ZNF438: variants seen among roughly 807,000 people sequenced by gnomAD.
ZNF438 encodes zinc finger protein 438.
Under a neutral mutation model 38.0 loss-of-function variants are expected in ZNF438, and 25 were observed. The observed-to-expected ratio is 0.66, with a 90% CI of 0.48 to 0.92. The LOEUF (loss-of-function observed/expected upper bound fraction) is 0.92. Among genes scored for constraint, ZNF438 ranks in the 40% least tolerant of loss-of-function variants. The pLI is 0.00. For synonymous variants in ZNF438, 372 were observed against 364.1 expected, an observed-to-expected ratio of 1.02 and a Z score of -0.25; for missense variants, 1,007 against 999.6, an observed-to-expected ratio of 1.01 and a Z score of -0.10.
intron 1 of ZNF438, among the ~76,000 whole-genome samples, chr10:31,020,404 C>T (rs1035683805): frequency 2.0e-5 from 3 of 152,138 alleles, no homozygotes; most frequent in Admixed American, 6.5e-5. Flanking sequence ...AGCTGTTCAT[C>T]AGAAATTCTC....
At chr10:30,999,460 A>AC (rs1055775204) in intron 1 of ZNF438, 1 of 152,006 alleles carries the variant, frequency 6.6e-6, no homozygotes, top group African/African-American at 2.4e-5. Flanking sequence ...TACTGTTATG[A>AC]CCTTCCCTTC....
At chr10:30,932,931 G>A (rs1334270581) in intron 2 of ZNF438, among the ~76,000 whole-genome samples, 1 of 152,134 alleles carries the variant, frequency 6.6e-6, no homozygotes, top group Non-Finnish European at 1.5e-5. Context: ...GGAATGCCTG[G>A]GGCTACCAGA....
intron 2 of ZNF438, among the ~76,000 whole-genome samples, chr10:30,916,211 T>C (rs1030200168): frequency 2.6e-5 from 4 of 152,044 alleles, no homozygotes; most frequent in African/African-American, 9.6e-5. Flanking sequence ...TGTATAGGCA[T>C]TTGATAAACA....
At chr10:31,005,271 ATG>A (rs965494431) in intron 1 of ZNF438, among the ~76,000 whole-genome samples, 1 of 152,058 alleles carries the variant, frequency 6.6e-6, no homozygotes, top group East Asian at 1.9e-4. Flanking sequence ...GTGTGTACAT[ATG>A]TGTGTGTGTA....
Position 30,964,852 on chromosome 10 carries a change from C to T in ZNF438, c.-191-23201G>A, listed in dbSNP as rs117741447. On this transcript the variant is annotated intron_variant, in intron 1 of 5. Coordinates refer to ENST00000413025, the Ensembl canonical transcript of ZNF438. ...ACAATGACCTCAAACTATAAAAATC[C>T]GAGAAAAAAACCTAGGAAATACCAT... Among the ~76,000 whole-genome samples the T allele has an allele frequency of 1.3e-3, 191 of 151,984 alleles. 2 individuals carry two copies. Among genetic ancestry groups the T allele is most frequent in the East Asian group, 6.4e-3 (33 of 5,178 alleles).
chr10:31,018,493 C>A (rs2056366669), intron 1 of ZNF438, among the ~76,000 whole-genome samples: 1 of 152,166 alleles, frequency 6.6e-6, no homozygotes, highest in African/African-American at 2.4e-5. Flanking sequence ...AACATTTTGC[C>A]ACCACATAAT....
intron 1 of ZNF438, among the ~76,000 whole-genome samples, chr10:30,951,377 T>C (rs2048174666): frequency 6.7e-6 from 1 of 150,304 alleles, no homozygotes; most frequent in Admixed American, 6.6e-5. Flanking sequence ...CTATTCAACA[T>C]AGTGTTGGAA....
At chr10:30,898,299 G>A (rs995006252) in intron 3 of ZNF438, among the ~76,000 whole-genome samples, 1 of 152,134 alleles carries the variant, frequency 6.6e-6, no homozygotes, top group African/African-American at 2.4e-5. Flanking sequence ...GTAGATCTAG[G>A]GAGAGAGGTG....
rs1293810913 is a variant in ZNF438, at chr10:30,958,621, C to T, written c.-191-16970G>A. 2.0e-5 allele frequency among the ~76,000 whole-genome samples: 3 copies of T among 146,780 alleles called. 1 individual carries two copies. The highest frequency in any genetic ancestry group is 4.6e-5 in the Non-Finnish European group (3 of 64,750). On this transcript the variant is annotated intron_variant, in intron 1 of 5. Coordinates refer to ENST00000413025, the Ensembl canonical transcript of ZNF438. ...GGGACAGTTCAATGACGTTTTAGTC[C>T]ATTTATAGAGGACCAGAATGTACTA...
chr10:31,002,174 T>G (rs1248994349), intron 1 of ZNF438, among the ~76,000 whole-genome samples: 1 of 152,242 alleles, frequency 6.6e-6, no homozygotes, highest in Admixed American at 6.5e-5. Context: ...ATTTTCAGTA[T>G]TTTCGAAAGA....
At chr10:30,883,371 C>CA (rs2039524077) in intron 3 of ZNF438, among the ~76,000 whole-genome samples, 2 of 151,978 alleles carry the variant, frequency 1.3e-5, no homozygotes, top group South Asian at 2.1e-4. Flanking sequence ...GAATTTTGCT[C>CA]AAAAAATCAT....
At chr10:31,019,336 A>T (rs2056428500) in intron 1 of ZNF438, among the ~76,000 whole-genome samples, 1 of 152,244 alleles carries the variant, frequency 6.6e-6, no homozygotes, top group South Asian at 2.1e-4. Context: ...CAAATGTATT[A>T]AAAACCAATG....
intron 4 of ZNF438, among the ~76,000 whole-genome samples, chr10:30,854,330 T>C (rs1231348337): frequency 1.3e-5 from 2 of 152,044 alleles, no homozygotes; most frequent in Non-Finnish European, 2.9e-5. Context: ...TAAAAATTAA[T>C]AGATAAAGTA....
chr10:30,931,360 ACAATTAAGTTTCCTTTATTTT>A (rs1229918669), intron 2 of ZNF438, among the ~76,000 whole-genome samples: 3 of 152,242 alleles, frequency 2.0e-5, no homozygotes, highest in Non-Finnish European at 2.9e-5. Flanking sequence ...AGTTACAGAA[ACAATTAAGTTTCCTTTATTTT>A]CATAAACTGG....
chr10:30,978,049 T>TA (rs1213867616), intron 1 of ZNF438, among the ~76,000 whole-genome samples: 1 of 151,948 alleles, frequency 6.6e-6, no homozygotes, highest in Non-Finnish European at 1.5e-5. Flanking sequence ...TTTTTCTAGT[T>TA]AAAAAACATG....
chr10:30,868,303 G>A (rs60008987), intron 4 of ZNF438, among the ~76,000 whole-genome samples: 30,877 of 151,794 alleles, frequency 0.2, 3,401 homozygotes, highest in African/African-American at 0.29. Flanking sequence ...ACTCCTGACC[G>A]CAGGTGATCC....
rs2044154320 is a variant in ZNF438, at chr10:30,920,363, C to A, written c.-114-11348G>T. 2.0e-5 allele frequency: 3 copies of A among 152,302 alleles called. No individual in the cohort carries two copies. In the South Asian group the frequency reaches 6.2e-4, roughly 32 times the overall value. The allele number at this position is 152,302 out of a possible 1,614,324, so 9.4% of individuals were successfully genotyped here. A position where few individuals can be genotyped will look rare whatever the true frequency, so the allele number is the denominator to read the frequency against. Reference sequence around the variant, plus strand: ...AACTTGTTCAAATACTTATCAGATACACTAACGTACATAGGAAATGAAATA... The same window carrying A: ...AACTTGTTCAAATACTTATCAGATAAACTAACGTACATAGGAAATGAAATA... On this transcript the variant is annotated intron_variant, in intron 2 of 5. Coordinates refer to ENST00000413025, the Ensembl canonical transcript of ZNF438.
intron 4 of ZNF438, among the ~76,000 whole-genome samples, chr10:30,857,063 CT>C (rs1204078149): frequency 6.6e-6 from 1 of 152,144 alleles, no homozygotes; most frequent in Non-Finnish European, 1.5e-5. Context: ...GTTAAATAAT[CT>C]GCCAAAGTCC....
intron 1 of ZNF438, among the ~76,000 whole-genome samples, chr10:31,007,279 T>TG (rs1313744457): frequency 0.01 from 1,240 of 121,388 alleles, 37 homozygotes; most frequent in East Asian, 0.034. Context: ...TTTTGGTGTT[T>TG]TTTTTTTTTT....
Sources: gnomAD v4.1 joint callset for allele counts (sites outside exome capture counted in the v4.1 genomes callset) on GRCh38, gnomAD v4.1.1 for gene constraint, MANE v1.5 for transcripts, NCBI Gene and HGNC (gene_info 2026-07-23, HGNC 2026-07-21) for gene names.